Variants in HTR4 observed in about 807,000 individuals in gnomAD.
HTR4 encodes 5-hydroxytryptamine (serotonin) receptor 4, G protein-coupled.
A neutral mutation model predicts 36.8 loss-of-function variants in HTR4; 16 were observed. That is an observed-to-expected ratio of 0.43 (90% CI 0.29 to 0.66). The LOEUF (loss-of-function observed/expected upper bound fraction) is 0.66, where lower values mean the gene tolerates loss of function less well. Ranked by LOEUF, HTR4 falls within the 30% of genes least tolerant of loss-of-function variation. HTR4 has a pLI of 0.13. For missense variants in HTR4, 438 were observed against 490.9 expected (o/e 0.89, Z 1.02); for synonymous variants, 189 against 185.1 (o/e 1.02, Z -0.17).
chr5:148,478,124 T>G (rs755099165), downstream of HTR4, among the ~76,000 whole-genome samples: 1 of 152,238 alleles, frequency 6.6e-6, no homozygotes, highest in Non-Finnish European at 1.5e-5. Context: ...CAAGAGACCC[T>G]GCCTCATAGT....
At chr5:148,644,007 C>A (rs1290261097) in intron 1 of HTR4, among the ~76,000 whole-genome samples, 1 of 152,176 alleles carries the variant, frequency 6.6e-6, no homozygotes, top group African/African-American at 2.4e-5. Context: ...CAAGTTTAGG[C>A]ATGCATAAGA....
At chr5:148,624,401 T>C (rs1461624746) in intron 2 of HTR4, among the ~76,000 whole-genome samples, 1 of 152,168 alleles carries the variant, frequency 6.6e-6, no homozygotes, top group Admixed American at 6.6e-5. Flanking sequence ...AGAGTGGTCA[T>C]ATGGAGCGCA....
In HTR4 at chr5:148,634,072, C is replaced by T. The variant is rs754111983; in HGVS notation, c.26+2917G>A. On this transcript the variant is annotated intron_variant, in intron 2 of 6. Transcript: ENST00000377888. ...ACAAAAATGAAGTGAGCAGTATGGC[C>T]GGACAAAACACTTAACTGTAAGACA... 5.9e-5 allele frequency among the ~76,000 whole-genome samples: 9 copies of T among 152,010 alleles called. No individual in the cohort carries two copies. The East Asian group carries it at 7.7e-4, about 13-fold the overall frequency.
At chr5:148,470,296 T>C (rs78286899) in intron 5 of HTR4, among the ~76,000 whole-genome samples, 14 of 152,302 alleles carry the variant, frequency 9.2e-5, no homozygotes, top group Non-Finnish European at 2.1e-4. Flanking sequence ...CTTCCCATCA[T>C]GTAAAATAAG....
intron 2 of HTR4, among the ~76,000 whole-genome samples, chr5:148,576,504 T>C (rs1277124642): frequency 6.6e-6 from 1 of 152,018 alleles, no homozygotes; most frequent in Non-Finnish European, 1.5e-5. Flanking sequence ...AGAGCTCTAA[T>C]AGCCAAGGCA....
intron 1 of HTR4, among the ~76,000 whole-genome samples, chr5:148,642,995 A>G (rs1244245270): frequency 6.6e-6 from 1 of 152,160 alleles, no homozygotes; most frequent in East Asian, 1.9e-4. Flanking sequence ...CACATGCTGG[A>G]TCTTATTAGC....
intron 1 of HTR4, among the ~76,000 whole-genome samples, chr5:148,637,268 G>A (rs1303240056): frequency 6.6e-6 from 1 of 152,164 alleles, no homozygotes; most frequent in Admixed American, 6.5e-5. Flanking sequence ...ACACCCTACT[G>A]ATCGCTTTGT....
At chr5:148,533,140 G>A (rs188781785) in intron 4 of HTR4, among the ~76,000 whole-genome samples, 3 of 152,202 alleles carry the variant, frequency 2.0e-5, no homozygotes, top group African/African-American at 4.8e-5. Context: ...AAAAGTAATT[G>A]TCTCATCTCA....
At chr5:148,626,276 G>C (rs1403672397) in intron 2 of HTR4, among the ~76,000 whole-genome samples, 1 of 152,130 alleles carries the variant, frequency 6.6e-6, no homozygotes, top group African/African-American at 2.4e-5. Flanking sequence ...TTCAATTCAA[G>C]GACAAGCCAT....
intron 2 of HTR4, among the ~76,000 whole-genome samples, chr5:148,558,148 A>G (rs1262615786): frequency 6.6e-6 from 1 of 152,160 alleles, no homozygotes; most frequent in African/African-American, 2.4e-5. Context: ...ATTTAAATTA[A>G]AGAAAATAAT....
chr5:148,651,958 T>C (rs1246596842), intron 1 of HTR4, among the ~76,000 whole-genome samples: 2 of 152,038 alleles, frequency 1.3e-5, no homozygotes, highest in African/African-American at 4.8e-5. Flanking sequence ...GCTGAAATCA[T>C]TCATCACATT....
chr5:148,621,333 G>A (rs1002728284), intron 2 of HTR4, among the ~76,000 whole-genome samples: 2 of 152,094 alleles, frequency 1.3e-5, no homozygotes, highest in African/African-American at 4.8e-5. Flanking sequence ...CAGTGTGATC[G>A]CCAACCAGCA....
intron 2 of HTR4, among the ~76,000 whole-genome samples, chr5:148,553,391 A>G (rs993547158): frequency 1.4e-4 from 22 of 152,306 alleles, no homozygotes; most frequent in African/African-American, 5.3e-4. Flanking sequence ...TGCATATTTA[A>G]GTTACCTGAG....
chr5:148,649,036 G>A (rs571745206), intron 1 of HTR4, among the ~76,000 whole-genome samples: 17 of 152,128 alleles, frequency 1.1e-4, no homozygotes, highest in Non-Finnish European at 2.5e-4. Context: ...AATACACCTA[G>A]CCTTCTAACT....
chr5:148,460,493 G>T (rs1459086791), intron 5 of HTR4, among the ~76,000 whole-genome samples: 4 of 151,306 alleles, frequency 2.6e-5, no homozygotes, highest in Non-Finnish European at 4.4e-5. Context: ...AATGTTTAAA[G>T]TGTTGAGAGG....
intron 2 of HTR4, among the ~76,000 whole-genome samples, chr5:148,591,171 A>G (rs774484798): frequency 7.9e-5 from 12 of 151,966 alleles, no homozygotes; most frequent in South Asian, 4.1e-4. Flanking sequence ...GCTCTCTATT[A>G]TGTTCCATTG....
intron 6 of HTR4, among the ~76,000 whole-genome samples, chr5:148,485,941 G>C (rs1202195634): frequency 1.3e-5 from 2 of 152,206 alleles, no homozygotes; most frequent in Non-Finnish European, 2.9e-5. Flanking sequence ...ATCTATCTTT[G>C]ACATTGGCAA....
At chr5:148,481,043 G>A (rs777693133), downstream of HTR4, among the ~76,000 whole-genome samples, 1 of 152,210 alleles carries the variant, frequency 6.6e-6, no homozygotes, top group Non-Finnish European at 1.5e-5. Flanking sequence ...CCCAGTGCAC[G>A]TGCTGCCTCT....
At chr5:148,647,234 AGTC>A (rs1355061099) in intron 1 of HTR4, among the ~76,000 whole-genome samples, 1 of 152,242 alleles carries the variant, frequency 6.6e-6, no homozygotes, top group Non-Finnish European at 1.5e-5. Context: ...GTAATTTCTC[AGTC>A]TGTCATTTTC....
Sources: gnomAD v4.1 joint callset for allele counts (sites outside exome capture counted in the v4.1 genomes callset) on GRCh38, gnomAD v4.1.1 for gene constraint, MANE v1.5 for transcripts, NCBI Gene and HGNC (gene_info 2026-07-23, HGNC 2026-07-21) for gene names.